The following BMPR1B variants were observed in gnomAD, a reference collection of about 807,000 sequenced individuals.
BMPR1B encodes bone morphogenetic protein receptor type-1B.
BMPR1B carries 12 observed loss-of-function variants against 59.1 expected under a neutral mutation model. The observed-to-expected ratio is 0.20, with a 90% CI of 0.13 to 0.33. The LOEUF (loss-of-function observed/expected upper bound fraction) is 0.33. BMPR1B is among the 10% of genes least tolerant of loss of function. BMPR1B has a pLI of 1.00. For synonymous variants in BMPR1B, 237 were observed against 207.3 expected (o/e 1.14, Z -1.23); for missense variants, 550 against 610.9 (o/e 0.90, Z 1.05).
chr4:95,104,471 A>T lies in BMPR1B; in HGVS notation c.47A>T (p.Glu16Val). 6.2e-7 allele frequency: 1 copy of T among 1,613,510 alleles called. No individual in the cohort carries two copies. Among genetic ancestry groups the T allele is most frequent in the Non-Finnish European group, 8.5e-7 (1 of 1,179,644 alleles). ...AGKLNVGTKK[E>V]DGESTAPTPR... ...AAATTAAATGTGGGCACCAAGAAAG[A>T]GGATGGTGAGAGTACAGCCCCCACC... is the stretch of plus-strand genomic sequence containing the variant. Residue 16 changes from glutamate to valine, a missense_variant, in exon 4 of 13, where the codon GAG (glutamate) becomes GTG (valine). Transcript: ENST00000515059.
At chr4:95,139,638 T>C (rs955239144) in intron 10 of BMPR1B, among the ~76,000 whole-genome samples, 2 of 152,214 alleles carry the variant, frequency 1.3e-5, no homozygotes, top group Non-Finnish European at 2.9e-5. Context: ...TCAGCCTCGC[T>C]GCCGCCTTGC....
chr4:95,101,465 A>G (rs1325665108), intron 3 of BMPR1B, among the ~76,000 whole-genome samples: 3 of 152,078 alleles, frequency 2.0e-5, no homozygotes, highest in Non-Finnish European at 2.9e-5. Context: ...CTGTATGTAT[A>G]TTTTCAGCCT....
At chr4:94,772,987 A>C (rs1722239681) in intron 1 of BMPR1B, among the ~76,000 whole-genome samples, 1 of 152,118 alleles carries the variant, frequency 6.6e-6, no homozygotes, top group Non-Finnish European at 1.5e-5. Context: ...CATATAATTC[A>C]AATCTTCTTT....
intron 3 of BMPR1B, among the ~76,000 whole-genome samples, chr4:95,036,285 G>A (rs964587361): frequency 7.2e-5 from 11 of 151,918 alleles, no homozygotes; most frequent in Non-Finnish European, 1.2e-4. Flanking sequence ...TGTAGTCACC[G>A]TGTTGTGCTA....
chr4:94,778,843 C>A (rs911572599), intron 1 of BMPR1B, among the ~76,000 whole-genome samples: 2 of 152,034 alleles, frequency 1.3e-5, no homozygotes, highest in African/African-American at 2.4e-5. Context: ...AGTGCCTGTT[C>A]ATATCTTTTG....
intron 2 of BMPR1B, among the ~76,000 whole-genome samples, chr4:94,986,387 C>A (rs1721407770): frequency 6.6e-6 from 1 of 152,144 alleles, no homozygotes; most frequent in African/African-American, 2.4e-5. Context: ...AGTTTTCACC[C>A]ACTTTAAAGT....
chr4:95,064,718 C>T (rs903081208), intron 3 of BMPR1B, among the ~76,000 whole-genome samples: 3 of 152,070 alleles, frequency 2.0e-5, no homozygotes, highest in Non-Finnish European at 2.9e-5. Flanking sequence ...TGAAAATGGA[C>T]GAGGATCTCA....
chr4:95,085,135 T>C (rs1279869659), intron 3 of BMPR1B, among the ~76,000 whole-genome samples: 2 of 152,226 alleles, frequency 1.3e-5, no homozygotes. Context: ...AAACCCTTCT[T>C]TAGCCAGGCT....
chr4:95,119,253 G>A (rs1732297457), intron 6 of BMPR1B, among the ~76,000 whole-genome samples: 1 of 152,024 alleles, frequency 6.6e-6, no homozygotes, highest in South Asian at 2.1e-4. Flanking sequence ...ATGCATTTAA[G>A]TTAAGTTTCC....
At chr4:95,016,366 A>G (rs974637340) in intron 3 of BMPR1B, among the ~76,000 whole-genome samples, 7 of 152,226 alleles carry the variant, frequency 4.6e-5, no homozygotes, top group African/African-American at 1.4e-4. Flanking sequence ...ATGATGTTAC[A>G]AAATTATGCA....
chr4:95,144,499 TACTC>T (rs1734496397), intron 10 of BMPR1B, among the ~76,000 whole-genome samples: 1 of 150,114 alleles, frequency 6.7e-6, no homozygotes, highest in Admixed American at 6.6e-5. Context: ...TTAAAAAAAA[TACTC>T]ATTGAAGCAT....
chr4:94,811,900 G>A (rs1215036959), intron 1 of BMPR1B, among the ~76,000 whole-genome samples: 2 of 152,156 alleles, frequency 1.3e-5, no homozygotes, highest in African/African-American at 2.4e-5. Flanking sequence ...CTGCGATGTG[G>A]AAATTTATTT....
chr4:95,076,729 G>T, intron 3 of BMPR1B, among the ~76,000 whole-genome samples: 1 of 152,060 alleles, frequency 6.6e-6, no homozygotes, highest in East Asian at 1.9e-4. Context: ...CAGAACATGT[G>T]TGTGCAACTA....
At chr4:94,932,142 T>C (rs912936182) in intron 2 of BMPR1B, among the ~76,000 whole-genome samples, 11 of 152,142 alleles carry the variant, frequency 7.2e-5, no homozygotes, top group Admixed American at 2.0e-4. Flanking sequence ...TCTTCCATTC[T>C]TTTGGTTCCT....
chr4:95,043,926 A>T (rs1055703664), intron 3 of BMPR1B, among the ~76,000 whole-genome samples: 4 of 152,218 alleles, frequency 2.6e-5, no homozygotes, highest in African/African-American at 9.6e-5. Context: ...TGTGTTGTTG[A>T]CTTGTCTTCA....
At chr4:94,863,658 T>C (rs1042738137) in intron 1 of BMPR1B, among the ~76,000 whole-genome samples, 2 of 152,222 alleles carry the variant, frequency 1.3e-5, no homozygotes, top group Non-Finnish European at 2.9e-5. Context: ...TGGACACAAT[T>C]TTATGATATG....
At chr4:95,007,749 A>G (rs751710868) in intron 3 of BMPR1B, among the ~76,000 whole-genome samples, 9 of 152,188 alleles carry the variant, frequency 5.9e-5, no homozygotes, top group Non-Finnish European at 1.2e-4. Context: ...CCAGAGTGAA[A>G]AGCTAAGTGT....
rs191473897 is a variant in BMPR1B, at chr4:95,132,472, T to G, written c.1076+960T>G. On this transcript the variant is annotated intron_variant, in intron 10 of 12. Transcript: ENST00000515059. ...GATTTAATAACATACCCCAAATATA[T>G]GAAGGTCTTCACCATGTAAAGGATG... is the stretch of plus-strand genomic sequence containing the variant. Among the ~76,000 whole-genome samples the G allele has an allele frequency of 5.3e-5, 8 of 152,184 alleles. No individual in the cohort carries two copies. In the East Asian group the frequency reaches 1.5e-3, roughly 29 times the overall value.
chr4:95,100,531 TGTG>T (rs886730772), intron 3 of BMPR1B, among the ~76,000 whole-genome samples: 1 of 152,152 alleles, frequency 6.6e-6, no homozygotes, highest in African/African-American at 2.4e-5. Flanking sequence ...TTTACAGTGA[TGTG>T]GTGTGGATCT....
Sources: allele counts gnomAD v4.1 joint callset (sites outside exome capture counted in the v4.1 genomes callset), GRCh38; gene constraint gnomAD v4.1.1; transcripts MANE v1.5; gene names NCBI Gene and HGNC (gene_info 2026-07-23, HGNC 2026-07-21).